GCC2: variants seen among roughly 807,000 people sequenced by gnomAD.
GCC2 encodes the protein GRIP and coiled-coil domain containing 2, also known as GRIP and coiled-coil domain-containing protein 2.
Under a neutral mutation model 210.6 loss-of-function variants are expected in GCC2, and 120 were observed. That is an observed-to-expected ratio of 0.57 (90% CI 0.49 to 0.66). The LOEUF is 0.66. GCC2 is among the 30% of genes least tolerant of loss of function. GCC2 has a pLI of 0.00. For missense variants in GCC2, 1,868 were observed against 1,871.9 expected, an observed-to-expected ratio of 1.00 and a Z score of 0.04; for synonymous variants, 703 against 652.7, an observed-to-expected ratio of 1.08 and a Z score of -1.17.
chr2:108,450,509 T>A (rs1679876067), intron 2 of GCC2, among the ~76,000 whole-genome samples: 1 of 152,220 alleles, frequency 6.6e-6, no homozygotes, highest in Non-Finnish European at 1.5e-5. Flanking sequence ...ATGGCCTGGT[T>A]TTTACGTTTC....
intron 4 of GCC2, among the ~76,000 whole-genome samples, chr2:108,454,013 CAG>C (rs1417938420): frequency 2.0e-5 from 3 of 152,022 alleles, no homozygotes; most frequent in African/African-American, 7.2e-5. Flanking sequence ...TATTTTGAGA[CAG>C]AGTCTCGCCT....
In GCC2 at chr2:108,482,402, T is replaced by C; in HGVS notation, c.3296T>C (p.Val1099Ala). The stretch of plus-strand genomic sequence containing the variant: ...GAAGTCCAGAGAGCCAAAGCAATGG[T>C]AGACAAAGAATTAGAAGCTGAAAAA... ...ILEVQRAKAM[V>A]DKELEAEKLQ... is the part of the protein sequence containing the mutation. Residue 1099 changes from valine (V) to alanine (A), a missense_variant, in exon 11 of 23, where the codon GTA becomes GCA. Val to Ala is a moderately conservative substitution (Grantham distance 64). Around this residue, in one of 3 missense-constraint regions of GCC2, gnomAD observed 1,847 missense variants for 1,765.2 expected, o/e 1.05. Transcript: ENST00000309863. The C allele has an allele frequency of 4.4e-6, 7 of 1,586,472 alleles. No homozygotes were observed. The highest frequency in any genetic ancestry group is 6.1e-6 in the Non-Finnish European group (7 of 1,156,160).
intron 2 of GCC2, 60 bp downstream of exon 2, chr2:108,449,749 AC>A: frequency 7.2e-7 from 1 of 1,385,392 alleles, no homozygotes; most frequent in Non-Finnish European, 1.0e-6. Context: ...GAATTGGAAA[AC>A]TTTGGCATGG....
chr2:108,468,272 C>T (rs1573364779), intron 4 of GCC2, among the ~76,000 whole-genome samples: 1 of 151,826 alleles, frequency 6.6e-6, no homozygotes, highest in Non-Finnish European at 1.5e-5. Context: ...CACCATGTTG[C>T]CCAGGCTGGT....
chr2:108,462,845 G>A (rs1680679603), intron 4 of GCC2, among the ~76,000 whole-genome samples: 1 of 151,510 alleles, frequency 6.6e-6, no homozygotes, highest in Admixed American at 6.6e-5. Context: ...TTACAGGCAT[G>A]AGCCACCGCA....
In GCC2 at chr2:108,483,143, CA is replaced by C; in HGVS notation, c.3429del (p.Glu1144AsnfsTer2). On this transcript the variant is annotated frameshift_variant, in exon 12 of 23. Coordinates refer to ENST00000309863, the MANE Select transcript of GCC2 (RefSeq NM_181453.4). LOFTEE classifies it high-confidence loss of function. ...KQKKQLQKTM[Q>X]ELELVKKDAQ... ...AAAGAAACAGCTTCAGAAAACCATG[CA>C]AGAATTAGAGCTGGTTAAAAAGGTA... 6.5e-7 allele frequency: 1 copy of C among 1,539,326 alleles called. No individual in the cohort carries two copies. Among genetic ancestry groups the C allele is most frequent in the Non-Finnish European group, 9.0e-7 (1 of 1,112,668 alleles).
chr2:108,451,775 T>G (rs893991709), intron 3 of GCC2, among the ~76,000 whole-genome samples: 3 of 152,020 alleles, frequency 2.0e-5, no homozygotes, highest in African/African-American at 7.2e-5. Flanking sequence ...AAAGAAGTTC[T>G]AGGCCTGAGA....
chr2:108,453,397 A>G (rs1325710917), intron 4 of GCC2, among the ~76,000 whole-genome samples: 2 of 152,160 alleles, frequency 1.3e-5, no homozygotes, highest in African/African-American at 2.4e-5. Context: ...TACTTAACCT[A>G]TTTCAATAAA....
intron 15 of GCC2, 99 bp downstream of exon 15, chr2:108,486,007 A>G (rs1346185977): frequency 1.7e-6 from 1 of 588,824 alleles, no homozygotes; most frequent in Admixed American, 3.5e-5. Context: ...GATATCTAGA[A>G]AGATTCCTCA....
At chr2:108,457,395 G>C (rs780815224) in intron 4 of GCC2, among the ~76,000 whole-genome samples, 2 of 151,846 alleles carry the variant, frequency 1.3e-5, no homozygotes, top group African/African-American at 4.8e-5. Flanking sequence ...CTATAGCCTC[G>C]TAATATGTTT....
At chr2:108,469,122 A>C in intron 5 of GCC2, 38 bp downstream of exon 5, 1 of 1,203,360 alleles carries the variant, frequency 8.3e-7, no homozygotes, top group African/African-American at 1.5e-5. Context: ...TTTTTTATTA[A>C]CATATAGTGT....
intron 4 of GCC2, among the ~76,000 whole-genome samples, chr2:108,454,007 T>C (rs1009065200): frequency 2.0e-5 from 3 of 152,116 alleles, no homozygotes; most frequent in Non-Finnish European, 4.4e-5. Context: ...TTTATTTATT[T>C]TGAGACAGAG....
intron 20 of GCC2, chr2:108,495,760 C>T (rs546366080): frequency 4.4e-6 from 1 of 225,426 alleles, no homozygotes; most frequent in South Asian, 6.7e-5. Context: ...AGTCCAAGTT[C>T]CAAAACTGAA....
At chr2:108,477,382 C>A (rs1681598015) in intron 9 of GCC2, among the ~76,000 whole-genome samples, 1 of 152,142 alleles carries the variant, frequency 6.6e-6, no homozygotes, top group South Asian at 2.1e-4. Context: ...ATATTAGCAT[C>A]AACACTTTAC....
chr2:108,474,147 G>C (rs1369612364), intron 7 of GCC2, among the ~76,000 whole-genome samples: 2 of 152,194 alleles, frequency 1.3e-5, no homozygotes, highest in East Asian at 3.9e-4. Flanking sequence ...GACAGAGGGA[G>C]ACTCCGTCTC....
chr2:108,479,693 C>A (rs1378096949), intron 9 of GCC2, among the ~76,000 whole-genome samples: 3 of 151,490 alleles, frequency 2.0e-5, no homozygotes. Flanking sequence ...CCACACAAGA[C>A]CCAGCAGAGG....
At chr2:108,498,120 C>T (rs1189703886) in intron 21 of GCC2, among the ~76,000 whole-genome samples, 3 of 149,126 alleles carry the variant, frequency 2.0e-5, no homozygotes, top group Non-Finnish European at 4.4e-5. Flanking sequence ...AAAACATTAT[C>T]GTAGCTAACA....
Position 108,452,330 on chromosome 2 carries a change from A to G in GCC2, c.149-69A>G, listed in dbSNP as rs1179921079. ...TTTATGGGGGGTTTTGTGAGAATGT[A>G]CTTATCAGTTTCCCAGTAATTATGT... On this transcript the variant is annotated intron_variant, in intron 3 of 22. Transcript: ENST00000309863. The G allele has an allele frequency of 1.4e-5, 12 of 833,312 alleles. 1 individual carries two copies. In the Middle Eastern group the frequency reaches 2.2e-3, roughly 156 times the overall value. The allele number at this position is 833,312 out of a possible 1,614,324, so 51.6% of individuals were successfully genotyped here. A position where few individuals can be genotyped will look rare whatever the true frequency, so the allele number is the denominator to read the frequency against.
chr2:108,473,841 A>G (rs996530093), intron 7 of GCC2, among the ~76,000 whole-genome samples: 1 of 152,110 alleles, frequency 6.6e-6, no homozygotes, highest in African/African-American at 2.4e-5. Context: ...AAATACTTCT[A>G]GTTAAAGAGT....
Sources: allele counts gnomAD v4.1 joint callset (sites outside exome capture counted in the v4.1 genomes callset), GRCh38; gene constraint gnomAD v4.1.1; regional missense constraint gnomAD v4.1.1; transcripts MANE v1.5; gene names NCBI Gene and HGNC (gene_info 2026-07-23, HGNC 2026-07-21).